Variants in MYO1D observed in about 807,000 individuals in gnomAD.
MYO1D encodes unconventional myosin-Id.
A neutral mutation model predicts 122.0 loss-of-function variants in MYO1D; 83 were observed. The observed-to-expected ratio is 0.68, with a 90% CI of 0.57 to 0.82. MYO1D has a LOEUF of 0.82. Among genes scored for constraint, MYO1D ranks in the 40% least tolerant of loss-of-function variants. The pLI is 0.00. For missense variants in MYO1D, 1,157 were observed against 1,269.5 expected (o/e 0.91, Z 1.35); for synonymous variants, 464 against 446.9 (o/e 1.04, Z -0.48).
chr17:32,850,436 A>G (rs2090976268), intron 1 of MYO1D, among the ~76,000 whole-genome samples: 1 of 152,228 alleles, frequency 6.6e-6, no homozygotes, highest in Non-Finnish European at 1.5e-5. Flanking sequence ...CAATCCTATC[A>G]AAGAATGCAG....
intron 21 of MYO1D, among the ~76,000 whole-genome samples, chr17:32,558,546 C>T (rs548478145): frequency 8.8e-4 from 134 of 152,240 alleles, no homozygotes; most frequent in Middle Eastern, 6.8e-3. Flanking sequence ...ATAACACAAC[C>T]GCTGAGAATA....
At chr17:32,800,311 A>G (rs1221096490) in intron 1 of MYO1D, among the ~76,000 whole-genome samples, 2 of 152,216 alleles carry the variant, frequency 1.3e-5, no homozygotes, top group Admixed American at 6.5e-5. Flanking sequence ...AGAGGAATAG[A>G]TTTTTAAAAT....
rs1388426811 is a variant in MYO1D, at chr17:32,752,965, C to A, written c.1467+2527G>T. On this transcript the variant is annotated intron_variant, in intron 11 of 21. Transcript: ENST00000318217. ...GGTATAACGAAAAGATATTTGTACT[C>A]GTATGTTTACCATAACATTATTCAC... is the stretch of plus-strand genomic sequence containing the variant. Among the ~76,000 whole-genome samples the A allele has an allele frequency of 2.6e-5, 4 of 152,140 alleles. No homozygotes were observed. In the South Asian group the frequency reaches 6.2e-4, roughly 24 times the overall value.
Position 32,680,860 on chromosome 17 carries a change from G to A in MYO1D, c.2122-21522C>T, listed in dbSNP as rs561127554. Among the ~76,000 whole-genome samples the A allele has an allele frequency of 3.4e-4, 51 of 152,100 alleles. 1 individual carries two copies. The South Asian group carries it at 6.2e-3, about 19-fold the overall frequency. ...CCTCCTTGTACCTCTGGTAGAATTC[G>A]GCTGTGAATCCATCTGGTCCTGGAC... On this transcript the variant is annotated intron_variant, in intron 16 of 21. Coordinates refer to ENST00000318217, the MANE Select transcript of MYO1D (RefSeq NM_015194.3).
chr17:32,620,265 C>G (rs1240710417), intron 20 of MYO1D, among the ~76,000 whole-genome samples: 1 of 152,174 alleles, frequency 6.6e-6, no homozygotes, highest in African/African-American at 2.4e-5. Flanking sequence ...AGGGAAGGGT[C>G]AGGAGAGGGG....
chr17:32,520,549 TAGAG>T (rs906695690), intron 21 of MYO1D, among the ~76,000 whole-genome samples: 20 of 152,206 alleles, frequency 1.3e-4, no homozygotes, highest in African/African-American at 4.8e-4. Flanking sequence ...GAGATTATAA[TAGAG>T]AGGCATGTCG....
At chr17:32,517,484 C>T (rs1023844142) in intron 21 of MYO1D, among the ~76,000 whole-genome samples, 2 of 152,202 alleles carry the variant, frequency 1.3e-5, no homozygotes, top group African/African-American at 2.4e-5. Context: ...GATTCTCAAC[C>T]TTGATTGCAC....
Position 32,777,275 on chromosome 17 carries a change from G to A in MYO1D, c.398+1205C>T, listed in dbSNP as rs2090182545. On this transcript the variant is annotated intron_variant, in intron 3 of 21. Transcript: ENST00000318217. ...CTGGCCCAGCAATGCAGCCCAATAT[G>A]ATGAAAAGAAGAAAGGCTACGCAGG... Among the ~76,000 whole-genome samples, 3 of 152,276 alleles carry A rather than the reference G, an allele frequency of 2.0e-5. No individual in the cohort carries two copies. In the South Asian group the frequency reaches 6.2e-4, roughly 32 times the overall value.
chr17:32,706,816 C>T (rs569834386), intron 16 of MYO1D, among the ~76,000 whole-genome samples: 263 of 152,206 alleles, frequency 1.7e-3, no homozygotes, highest in African/African-American at 6.2e-3. Flanking sequence ...CCTGTTTCAG[C>T]CTCCTGAGTA....
At chr17:32,629,483 C>T (rs2087973929) in intron 20 of MYO1D, among the ~76,000 whole-genome samples, 1 of 152,104 alleles carries the variant, frequency 6.6e-6, no homozygotes, top group South Asian at 2.1e-4. Flanking sequence ...GCCTGTAATC[C>T]CAGCACTTTG....
chr17:32,625,435 G>C (rs1312269351), intron 20 of MYO1D, among the ~76,000 whole-genome samples: 1 of 152,162 alleles, frequency 6.6e-6, no homozygotes, highest in Non-Finnish European at 1.5e-5. Flanking sequence ...TATAAAATGA[G>C]ACTTCCTGCC....
intron 1 of MYO1D, among the ~76,000 whole-genome samples, chr17:32,854,495 T>C (rs901056426): frequency 3.3e-5 from 5 of 152,260 alleles, no homozygotes; most frequent in Admixed American, 1.3e-4. Flanking sequence ...GGAGAAATCA[T>C]TGGCGAAGCC....
rs548728201 is a variant in MYO1D at position 32,581,254 on chromosome 17, G to A, written c.2864+23833C>T. 4.0e-5 allele frequency among the ~76,000 whole-genome samples: 6 copies of A among 151,762 alleles called. No homozygotes were observed. In the South Asian group the frequency reaches 6.3e-4, roughly 16 times the overall value. On this transcript the variant is annotated intron_variant, in intron 21 of 21. Transcript: ENST00000318217. ...AAGTTGTATCACATTCTTTTGTTAC[G>A]CAGTTAATATTGATAGAATTTGTAT...
At chr17:32,679,668 T>C (rs1050596894) in intron 16 of MYO1D, among the ~76,000 whole-genome samples, 10 of 152,226 alleles carry the variant, frequency 6.6e-5, no homozygotes, top group Admixed American at 5.9e-4. Flanking sequence ...TGTAGCCTTG[T>C]AGTAGAGTTT....
intron 21 of MYO1D, among the ~76,000 whole-genome samples, chr17:32,586,324 C>G (rs971653303): frequency 1.3e-5 from 2 of 152,178 alleles, no homozygotes; most frequent in Non-Finnish European, 2.9e-5. Context: ...TCTAGTGTTG[C>G]CTATAACTGA....
chr17:32,646,905 T>G lies in MYO1D; in HGVS notation c.2595+6938A>C, dbSNP rs568055392. ...AAAAATTCTACATATAGATGTAAATTCCAGACTTATAATTATGGCAAAAAA... is the reference window on the plus strand; with the variant it reads ...AAAAATTCTACATATAGATGTAAATGCCAGACTTATAATTATGGCAAAAAA... On this transcript the variant is annotated intron_variant, in intron 19 of 21. Coordinates refer to ENST00000318217, the MANE Select transcript of MYO1D (RefSeq NM_015194.3). 2.0e-5 allele frequency among the ~76,000 whole-genome samples: 3 copies of G among 152,256 alleles called. No individual in the cohort carries two copies. The South Asian group carries it at 6.2e-4, about 32-fold the overall frequency.
At chr17:32,672,776 T>C (rs1333363573) in intron 16 of MYO1D, among the ~76,000 whole-genome samples, 1 of 151,940 alleles carries the variant, frequency 6.6e-6, no homozygotes, top group African/African-American at 2.4e-5. Context: ...AATCATAAAG[T>C]GTTGAATTGA....
intron 21 of MYO1D, among the ~76,000 whole-genome samples, chr17:32,533,857 G>T (rs764888799): frequency 6.6e-6 from 1 of 152,118 alleles, no homozygotes; most frequent in Non-Finnish European, 1.5e-5. Flanking sequence ...TTATTATAAA[G>T]ATGCTCATCA....
At chr17:32,715,709 G>A (rs544093048) in intron 15 of MYO1D, among the ~76,000 whole-genome samples, 36 of 152,060 alleles carry the variant, frequency 2.4e-4, no homozygotes, top group Non-Finnish European at 4.1e-4. Context: ...CAATTTGTGT[G>A]TTATCCCTAG....
Sources: allele counts gnomAD v4.1 joint callset (sites outside exome capture counted in the v4.1 genomes callset), GRCh38; gene constraint gnomAD v4.1.1; transcripts MANE v1.5; gene names NCBI Gene and HGNC (gene_info 2026-07-23, HGNC 2026-07-21).